The following CERS6 variants were observed in gnomAD, a reference collection of about 807,000 sequenced individuals.
CERS6 encodes LAG1 homolog, ceramide synthase 6.
Under a neutral mutation model 56.8 loss-of-function variants are expected in CERS6, and 26 were observed. That is an observed-to-expected ratio of 0.46 (90% confidence interval 0.34 to 0.63). The LOEUF (loss-of-function observed/expected upper bound fraction) is 0.63, where lower values mean the gene tolerates loss of function less well. CERS6 is among the 30% of genes least tolerant of loss of function. CERS6 has a pLI of 0.01. For synonymous variants in CERS6, 164 were observed against 173.3 expected, an observed-to-expected ratio of 0.95 and a Z score of 0.42; for missense variants, 415 against 467.5, an observed-to-expected ratio of 0.89 and a Z score of 1.04.
At chr2:168,620,685 T>C (rs1041056090) in intron 3 of CERS6, among the ~76,000 whole-genome samples, 7 of 152,138 alleles carry the variant, frequency 4.6e-5, no homozygotes, top group Admixed American at 6.5e-5. Context: ...GTCTCGTGTT[T>C]TGTTATGAGA....
At chr2:168,527,484 T>C (rs1408845220) in intron 1 of CERS6, among the ~76,000 whole-genome samples, 1 of 152,218 alleles carries the variant, frequency 6.6e-6, no homozygotes, top group African/African-American at 2.4e-5. Context: ...TATGCTGCTG[T>C]AATAAAATAC....
At chr2:168,611,198 T>C (rs965265402) in intron 3 of CERS6, among the ~76,000 whole-genome samples, 1 of 152,166 alleles carries the variant, frequency 6.6e-6, no homozygotes, top group Non-Finnish European at 1.5e-5. Flanking sequence ...TGTGAAAAAA[T>C]GGGGAAAATC....
chr2:168,547,052 A>G (rs1695478646), intron 1 of CERS6, among the ~76,000 whole-genome samples: 1 of 152,232 alleles, frequency 6.6e-6, no homozygotes, highest in Non-Finnish European at 1.5e-5. Context: ...ACTCTTTATG[A>G]GAAACAAGCA....
intron 3 of CERS6, among the ~76,000 whole-genome samples, chr2:168,578,845 C>T (rs1021715620): frequency 3.9e-5 from 6 of 152,194 alleles, no homozygotes; most frequent in Admixed American, 6.5e-5. Context: ...AAGTAATCCT[C>T]GGCCTCTGAT....
chr2:168,725,822 C>T (rs1683334468), intron 8 of CERS6, among the ~76,000 whole-genome samples: 1 of 152,206 alleles, frequency 6.6e-6, no homozygotes, highest in South Asian at 2.1e-4. Flanking sequence ...TTTGGAAAGT[C>T]ATGTCTAGTT....
rs749880154 is a variant in CERS6 at position 168,775,039 on chromosome 2, TA to T, written c.*5379del. 1.1e-4 allele frequency: 16 copies of T among 152,376 alleles called. No homozygotes were observed. Among genetic ancestry groups the T allele is most frequent in the Non-Finnish European group, 1.2e-4 (8 of 68,034 alleles). 9.4% of individuals were successfully genotyped at this position (152,376 alleles called of 1,614,324 possible). A position where few individuals can be genotyped will look rare whatever the true frequency, so the allele number is the denominator to read the frequency against. On this transcript the variant is annotated 3_prime_UTR_variant, in exon 10 of 10. Transcript: ENST00000305747. ...TTTTGCTGATTTTTATATGAAAATA[TA>T]ATTATTCATTCTTGATCTCTGGAAG... is the stretch of plus-strand genomic sequence containing the variant.
chr2:168,730,380 A>G (rs73028501), intron 8 of CERS6, among the ~76,000 whole-genome samples: 2,204 of 152,324 alleles, frequency 0.014, 62 homozygotes, highest in African/African-American at 0.05. Flanking sequence ...GCTAGCTGTG[A>G]CCAGCAGCCT....
intron 8 of CERS6, among the ~76,000 whole-genome samples, chr2:168,726,778 C>T (rs1455401207): frequency 6.6e-6 from 1 of 152,062 alleles, no homozygotes; most frequent in Non-Finnish European, 1.5e-5. Flanking sequence ...GATATAAATT[C>T]CCATTATAGC....
At chr2:168,718,524 C>T (rs1330060877) in intron 8 of CERS6, among the ~76,000 whole-genome samples, 1 of 152,182 alleles carries the variant, frequency 6.6e-6, no homozygotes, top group African/African-American at 2.4e-5. Context: ...AACCACTATC[C>T]TAGATAATTC....
intron 4 of CERS6, among the ~76,000 whole-genome samples, chr2:168,636,274 T>A (rs1405915965): frequency 1.3e-5 from 2 of 152,194 alleles, no homozygotes; most frequent in African/African-American, 2.4e-5. Flanking sequence ...TTTGCTGTCT[T>A]TGGACTGTCT....
intron 3 of CERS6, among the ~76,000 whole-genome samples, chr2:168,614,916 G>A (rs1333942841): frequency 6.6e-6 from 1 of 152,160 alleles, no homozygotes; most frequent in African/African-American, 2.4e-5. Flanking sequence ...AGGCCAATCA[G>A]CACAAAATAG....
At chr2:168,584,494 C>G (rs1376299271) in intron 3 of CERS6, among the ~76,000 whole-genome samples, 1 of 152,194 alleles carries the variant, frequency 6.6e-6, no homozygotes, top group African/African-American at 2.4e-5. Context: ...CACATACACA[C>G]AGCTTCTGTG....
intron 3 of CERS6, among the ~76,000 whole-genome samples, chr2:168,575,526 C>T (rs1683242696): frequency 6.6e-6 from 1 of 152,054 alleles, no homozygotes; most frequent in Non-Finnish European, 1.5e-5. Flanking sequence ...CCACCAGATC[C>T]CTCCCTTAAC....
At chr2:168,486,524 G>GT (rs760111727) in intron 1 of CERS6, among the ~76,000 whole-genome samples, 14,312 of 119,898 alleles carry the variant, frequency 0.12, 820 homozygotes, top group Admixed American at 0.15. Context: ...ATTTGGTTTT[G>GT]TTTTTTTTTT....
intron 1 of CERS6, among the ~76,000 whole-genome samples, chr2:168,513,508 C>G (rs561066189): frequency 6.6e-6 from 1 of 152,202 alleles, no homozygotes; most frequent in Non-Finnish European, 1.5e-5. Context: ...TAGAATGTCC[C>G]TCAGTTAGGG....
At chr2:168,505,099 A>G (rs940838083) in intron 1 of CERS6, among the ~76,000 whole-genome samples, 1 of 152,054 alleles carries the variant, frequency 6.6e-6, no homozygotes, top group Non-Finnish European at 1.5e-5. Context: ...GAGCCTGGTC[A>G]GATGTGGTGG....
chr2:168,669,973 C>A (rs1272035233), intron 4 of CERS6, among the ~76,000 whole-genome samples: 1 of 152,184 alleles, frequency 6.6e-6, no homozygotes, highest in Non-Finnish European at 1.5e-5. Flanking sequence ...GCTTCAGAAT[C>A]CTGATTATAC....
chr2:168,487,947 T>A (rs977958064), intron 1 of CERS6, among the ~76,000 whole-genome samples: 1 of 152,172 alleles, frequency 6.6e-6, no homozygotes, highest in Non-Finnish European at 1.5e-5. Flanking sequence ...CTTGAACTCC[T>A]GGCCTCAAGT....
At chr2:168,611,841 G>C (rs7587772) in intron 3 of CERS6, among the ~76,000 whole-genome samples, 151,452 of 152,334 alleles carry the variant, frequency 0.99, 75,293 homozygotes, top group East Asian at 1. Flanking sequence ...TTTACGTGAC[G>C]TACTGCTTAA....
Sources: allele counts gnomAD v4.1 joint callset (sites outside exome capture counted in the v4.1 genomes callset), GRCh38; gene constraint gnomAD v4.1.1; transcripts MANE v1.5; gene names NCBI Gene and HGNC (gene_info 2026-07-23, HGNC 2026-07-21).